The following UGGT1 variants were observed in gnomAD, a reference collection of about 807,000 sequenced individuals.
UGGT1 encodes the protein UDP-glucose glycoprotein glucosyltransferase 1.
In UGGT1, 107 loss-of-function variants were observed where a neutral mutation model predicts 203.9. That is an observed-to-expected ratio of 0.52 (90% CI 0.45 to 0.62). The LOEUF (loss-of-function observed/expected upper bound fraction) is 0.62. Ranked by LOEUF, UGGT1 falls within the 20% of genes least tolerant of loss-of-function variation. The probability of loss-of-function intolerance (pLI) is 0.00; values close to 1 mark genes in which losing one functional copy is unlikely to be tolerated. For synonymous variants in UGGT1, 628 were observed against 653.5 expected (o/e 0.96, Z 0.59); for missense variants, 1,673 against 1,867.2 (o/e 0.90, Z 1.92).
chr2:128,113,762 C>T (rs868290586), intron 6 of UGGT1, among the ~76,000 whole-genome samples: 136 of 3,368 alleles, frequency 0.04, 57 homozygotes, highest in African/African-American at 0.048. Context: ...GGGCGGATCA[C>T]GAGGTCAGGA....
chr2:128,166,015 G>A (rs963393666), intron 26 of UGGT1, among the ~76,000 whole-genome samples: 1 of 152,180 alleles, frequency 6.6e-6, no homozygotes, highest in African/African-American at 2.4e-5. Flanking sequence ...ATCTGCCTCA[G>A]CCTCCCAAGG....
intron 19 of UGGT1, among the ~76,000 whole-genome samples, chr2:128,154,972 C>T (rs760776845): frequency 1.3e-5 from 2 of 152,156 alleles, no homozygotes; most frequent in Non-Finnish European, 2.9e-5. Context: ...TGCCCTTTGA[C>T]ACTAATTGGA....
chr2:128,125,782 G>A (rs1688570398), intron 11 of UGGT1, among the ~76,000 whole-genome samples: 1 of 151,902 alleles, frequency 6.6e-6, no homozygotes, highest in South Asian at 2.1e-4. Flanking sequence ...CTTATTGGGA[G>A]TTTTTATTTA....
chr2:128,124,329 T>C (rs1020555230), intron 11 of UGGT1, among the ~76,000 whole-genome samples: 1 of 152,232 alleles, frequency 6.6e-6, no homozygotes, highest in Non-Finnish European at 1.5e-5. Flanking sequence ...TTTCAAAATT[T>C]GAAACAAGGC....
intron 22 of UGGT1, among the ~76,000 whole-genome samples, chr2:128,157,551 G>T (rs1260448655): frequency 6.6e-6 from 1 of 152,170 alleles, no homozygotes; most frequent in Non-Finnish European, 1.5e-5. Context: ...TGTTGAACGG[G>T]ATAGATTCTT....
At chr2:128,147,405 C>G (rs925779985) in intron 18 of UGGT1, among the ~76,000 whole-genome samples, 2 of 152,126 alleles carry the variant, frequency 1.3e-5, no homozygotes, top group African/African-American at 4.8e-5. Flanking sequence ...CTTTGGTAGA[C>G]ATGGTTTCTT....
Position 128,116,351 on chromosome 2 carries a change from T to A in UGGT1, c.872+8T>A. ...CCTCTTTGGAAAATTAAGGTATGTA[T>A]GTTCTGTGTATTTTGGGAAACGCCC... On this transcript the variant is annotated splice_region_variant and intron_variant, in intron 8 of 40. Transcript: ENST00000259253. 6.3e-7 allele frequency: 1 copy of A among 1,581,688 alleles called. No homozygotes were observed. The highest frequency in any genetic ancestry group is 8.7e-7 in the Non-Finnish European group (1 of 1,152,482).
chr2:128,129,442 A>G (rs1008389591), intron 13 of UGGT1, among the ~76,000 whole-genome samples: 2 of 145,640 alleles, frequency 1.4e-5, no homozygotes, highest in African/African-American at 5.1e-5. Context: ...TCTGTTGTCC[A>G]GGCTGGAGTG....
intron 3 of UGGT1, among the ~76,000 whole-genome samples, chr2:128,107,342 A>G (rs939759273): frequency 1.3e-5 from 2 of 152,004 alleles, no homozygotes; most frequent in Non-Finnish European, 2.9e-5. Flanking sequence ...TTCTTTTCAA[A>G]CTTTACAATT....
At chr2:128,126,489 G>A (rs181965648) in intron 11 of UGGT1, among the ~76,000 whole-genome samples, 3 of 152,152 alleles carry the variant, frequency 2.0e-5, no homozygotes, top group African/African-American at 7.2e-5. Flanking sequence ...TAATCCACCC[G>A]CCTCGGCCTC....
chr2:128,173,737 T>C (rs759013259), intron 29 of UGGT1, 44 bp from the exon 30 acceptor site: 3 of 1,600,326 alleles, frequency 1.9e-6, no homozygotes, highest in South Asian at 1.1e-5. Context: ...GATTTATTCA[T>C]GTTGTCTCTG....
At chr2:128,101,302 T>C (rs1034998062) in intron 2 of UGGT1, among the ~76,000 whole-genome samples, 1 of 152,230 alleles carries the variant, frequency 6.6e-6, no homozygotes, top group Admixed American at 6.5e-5. Flanking sequence ...TACTACACTT[T>C]ATGGCATGCC....
At chr2:128,171,007 C>A (rs867444925) in intron 27 of UGGT1, among the ~76,000 whole-genome samples, 198 bp from the exon 28 acceptor site, 1 of 152,212 alleles carries the variant, frequency 6.6e-6, no homozygotes. Flanking sequence ...CAGCCTACTT[C>A]CCATTGCTTT....
intron 5 of UGGT1, among the ~76,000 whole-genome samples, chr2:128,110,273 G>C (rs1423558409): frequency 6.6e-6 from 1 of 152,140 alleles, no homozygotes; most frequent in East Asian, 1.9e-4. Flanking sequence ...TGACTGGCTA[G>C]GGCAGCAAGC....
intron 23 of UGGT1, 123 bp downstream of exon 23, chr2:128,159,843 T>A: frequency 2.0e-6 from 2 of 984,034 alleles, no homozygotes; most frequent in Non-Finnish European, 2.9e-6. Context: ...CTCAGGGAAT[T>A]TTTTTTTTTA....
rs1406239508 is a variant in UGGT1, at chr2:128,194,791, T to C, written c.*5049T>C. 6.6e-6 allele frequency: 1 copy of C among 152,156 alleles called. No individual in the cohort carries two copies. The highest frequency in any genetic ancestry group is 1.5e-5 in the Non-Finnish European group (1 of 68,036). 9.4% of individuals were successfully genotyped at this position (152,156 alleles called of 1,614,324 possible). A position where few individuals can be genotyped will look rare whatever the true frequency, so the allele number is the denominator to read the frequency against. On this transcript the variant is annotated 3_prime_UTR_variant, in exon 41 of 41. Transcript: ENST00000259253. The stretch of plus-strand genomic sequence containing the variant: ...TTCAAGCAAATGAGACATCATGAAC[T>C]TCAGTGGTTATTGATATTTCAGGGT...
In UGGT1 at chr2:128,113,257, TTGTAAGTATTGACTTATTTTACACC is replaced by T; in HGVS notation, c.696+3_696+27del. 1 of 1,592,992 alleles carries T rather than the reference TTGTAAGTATTGACTTATTTTACACC, an allele frequency of 6.3e-7. No individual in the cohort carries two copies. The highest frequency in any genetic ancestry group is 8.6e-7 in the Non-Finnish European group (1 of 1,167,750). ...AATTATGTATTCAGACATTATATAT[TTGTAAGTATTGACTTATTTTACACC>T]TGTTTTGAATGTAATTTGCCTAGCA... On this transcript the variant is annotated splice_donor_variant and splice_donor_5th_base_variant and coding_sequence_variant and intron_variant, in exon 6 of 41. Coordinates refer to ENST00000259253, the MANE Select transcript of UGGT1 (RefSeq NM_020120.4). LOFTEE classifies it high-confidence loss of function.
chr2:128,159,661 A>C lies in UGGT1; in HGVS notation c.2503A>C (p.Lys835Gln). 1 of 1,614,114 alleles carries C rather than the reference A, an allele frequency of 6.2e-7. No homozygotes were observed. Among genetic ancestry groups the C allele is most frequent in the Non-Finnish European group, 8.5e-7 (1 of 1,180,018 alleles). The change falls in exon 23 of 41, where the codon AAG becomes CAG. Residue 835 changes from lysine to glutamine, a missense_variant. Coordinates refer to ENST00000259253, the MANE Select transcript of UGGT1 (RefSeq NM_020120.4). ...TAAGAACTTCATCACCAAAATGGCC[A>C]AGGAGGGGGCTGCAGAGGCCCTGGC... ...AAKNFITKMA[K>Q]EGAAEALAAG...
In UGGT1 at chr2:128,195,057, CTG is replaced by C. The variant is rs762533324; in HGVS notation, c.*5318_*5319del. 24 of 152,198 alleles carry C rather than the reference CTG, an allele frequency of 1.6e-4. No homozygotes were observed. The highest frequency in any genetic ancestry group is 5.8e-4 in the African/African-American group (24 of 41,426). The allele number at this position is 152,198 out of a possible 1,614,324, so 9.4% of individuals were successfully genotyped here. A position where few individuals can be genotyped will look rare whatever the true frequency, so the allele number is the denominator to read the frequency against. On this transcript the variant is annotated 3_prime_UTR_variant, in exon 41 of 41. Coordinates refer to ENST00000259253, the MANE Select transcript of UGGT1 (RefSeq NM_020120.4). ...AGAAGGAGCCCATGAAGGTTAAACTCTGTGGTCGGTATTTGCAAGCGCCGGGC... is the reference window on the plus strand; with the variant it reads ...AGAAGGAGCCCATGAAGGTTAAACTCTGGTCGGTATTTGCAAGCGCCGGGC...
Sources: allele counts gnomAD v4.1 joint callset (sites outside exome capture counted in the v4.1 genomes callset), GRCh38; gene constraint gnomAD v4.1.1; transcripts MANE v1.5; gene names NCBI Gene and HGNC (gene_info 2026-07-23, HGNC 2026-07-21).